ZZEF1: variants seen among roughly 807,000 people sequenced by gnomAD.
ZZEF1 encodes zinc finger ZZ-type and EF-hand domain-containing protein 1.
A neutral mutation model predicts 342.8 loss-of-function variants in ZZEF1; 157 were observed. That is an observed-to-expected ratio of 0.46 (90% CI 0.40 to 0.52). The LOEUF (loss-of-function observed/expected upper bound fraction) is 0.52. Ranked by LOEUF, ZZEF1 falls within the 20% of genes least tolerant of loss-of-function variation. The probability of loss-of-function intolerance (pLI) is 0.00; values close to 1 mark genes in which losing one functional copy is unlikely to be tolerated. For synonymous variants in ZZEF1, 1,505 were observed against 1,429.1 expected (o/e 1.05, Z -1.20); for missense variants, 3,480 against 3,725.6 (o/e 0.93, Z 1.72).
At chr17:4,038,985 C>T (rs2056738147) in intron 39 of ZZEF1, among the ~76,000 whole-genome samples, 1 of 152,030 alleles carries the variant, frequency 6.6e-6, no homozygotes, top group Admixed American at 6.6e-5. Context: ...AGGACTCTAT[C>T]TAGGCAGTTT....
chr17:4,034,192 G>A lies in ZZEF1; in HGVS notation c.6407C>T (p.Thr2136Ile), dbSNP rs2056611320. ...AGHLNETYHLTLGLLGQLIIR... is the reference protein window; with the variant it reads ...AGHLNETYHLILGLLGQLIIR... ...AATTAACTGGCCGAGAAGACCCAGGGTGAGATGGTAGGTTTCATTCAGGTG... is the reference window on the plus strand; with the variant it reads ...AATTAACTGGCCGAGAAGACCCAGGATGAGATGGTAGGTTTCATTCAGGTG... Residue 2136 changes from threonine to isoleucine, a missense_variant, in exon 40 of 55, where the codon ACC becomes ATC. Coordinates refer to ENST00000381638, the MANE Select transcript of ZZEF1 (RefSeq NM_015113.4). The A allele has an allele frequency of 1.2e-6, 2 of 1,614,230 alleles. No individual in the cohort carries two copies. The highest frequency in any genetic ancestry group is 1.7e-6 in the Non-Finnish European group (2 of 1,180,050).
Position 4,070,210 on chromosome 17 carries a change from C to A in ZZEF1, c.4075+474G>T, listed in dbSNP as rs146437601. On this transcript the variant is annotated intron_variant, in intron 26 of 54. Transcript: ENST00000381638. ...GGTAATAGTTAATACCTACAGCTTCCTCCTTGGTTATTACTACATTCAAGA... is the reference window on the plus strand; with the variant it reads ...GGTAATAGTTAATACCTACAGCTTCATCCTTGGTTATTACTACATTCAAGA... 4.2e-3 allele frequency among the ~76,000 whole-genome samples: 642 copies of A among 152,336 alleles called. 3 individuals are homozygous for A. Among genetic ancestry groups the A allele is most frequent in the Middle Eastern group, 0.02 (6 of 294 alleles).
intron 23 of ZZEF1, among the ~76,000 whole-genome samples, chr17:4,074,795 C>G (rs2057577173): frequency 6.6e-6 from 1 of 152,240 alleles, no homozygotes; most frequent in African/African-American, 2.4e-5. Context: ...GCACTTCTTG[C>G]TAAGGATGAA....
rs530518957 is a variant in ZZEF1, at chr17:4,045,602, C to T, written c.6016-1228G>A. On this transcript the variant is annotated intron_variant, in intron 37 of 54. Coordinates refer to ENST00000381638, the MANE Select transcript of ZZEF1 (RefSeq NM_015113.4). ...TTTTATTGCTGTAGAAACTGGCATT[C>T]TGTGGGCTGTGGGACAGAGTTGTGG... Among the ~76,000 whole-genome samples, 3 of 152,170 alleles carry T rather than the reference C, an allele frequency of 2.0e-5. No homozygotes were observed. The South Asian group carries it at 6.2e-4, about 31-fold the overall frequency.
At chr17:4,117,918 G>A (rs144401382) in intron 2 of ZZEF1, among the ~76,000 whole-genome samples, 4 of 152,216 alleles carry the variant, frequency 2.6e-5, no homozygotes, top group South Asian at 2.1e-4. Flanking sequence ...AGTTTCCAAC[G>A]GCATTTTACA....
chr17:4,127,899 G>C (rs1027037401), intron 1 of ZZEF1, among the ~76,000 whole-genome samples: 1 of 152,172 alleles, frequency 6.6e-6, no homozygotes, highest in East Asian at 1.9e-4. Context: ...ATCTCCCAAC[G>C]AAAGGGCCAG....
rs563408070 is a variant in ZZEF1, at chr17:4,041,552, T to G, written c.6306+877A>C. 9.2e-5 allele frequency among the ~76,000 whole-genome samples: 14 copies of G among 152,308 alleles called. No individual in the cohort carries two copies. The East Asian group carries it at 2.5e-3, about 27-fold the overall frequency. Reference sequence around the variant, plus strand: ...GCAGCCTGCTAGCTTTGTCTCTGATTCCTCTCTGTTTACTAGAAAAAGTGG... The same window carrying G: ...GCAGCCTGCTAGCTTTGTCTCTGATGCCTCTCTGTTTACTAGAAAAAGTGG... On this transcript the variant is annotated intron_variant, in intron 39 of 54. Coordinates refer to ENST00000381638, the MANE Select transcript of ZZEF1 (RefSeq NM_015113.4).
intron 26 of ZZEF1, among the ~76,000 whole-genome samples, chr17:4,067,672 T>C (rs764086573): frequency 1.3e-5 from 2 of 152,190 alleles, no homozygotes; most frequent in Non-Finnish European, 2.9e-5. Context: ...ATTTAAAACA[T>C]GGAAGCCAAG....
intron 9 of ZZEF1, among the ~76,000 whole-genome samples, chr17:4,098,169 C>T (rs1348773795): frequency 6.8e-5 from 10 of 146,716 alleles, no homozygotes; most frequent in South Asian, 6.6e-4. Context: ...ACCCGGGAGG[C>T]GGAGGATGCA....
At chr17:4,131,544 T>A (rs534132963) in intron 1 of ZZEF1, among the ~76,000 whole-genome samples, 1 of 151,540 alleles carries the variant, frequency 6.6e-6, no homozygotes, top group African/African-American at 2.4e-5. Context: ...TTTGGGAGGC[T>A]AAGGTGGGTG....
intron 11 of ZZEF1, among the ~76,000 whole-genome samples, chr17:4,091,235 C>G (rs2057937320): frequency 6.6e-6 from 1 of 152,164 alleles, no homozygotes; most frequent in South Asian, 2.1e-4. Context: ...TGTTTATGAC[C>G]AACCTGAGGT....
rs76594409 is a variant in ZZEF1 at position 4,046,497 on chromosome 17, T to C, written c.6016-2123A>G. On this transcript the variant is annotated intron_variant, in intron 37 of 54. Transcript: ENST00000381638. ...ACTCTTTGGGGCCAAAGGTGGAGTG[T>C]GATTCAACACCAAACATTCAGGAGG... 6.2e-3 allele frequency among the ~76,000 whole-genome samples: 946 copies of C among 152,312 alleles called. 11 individuals carry two copies. The highest frequency in any genetic ancestry group is 0.022 in the African/African-American group (914 of 41,564).
intron 26 of ZZEF1, among the ~76,000 whole-genome samples, chr17:4,068,840 C>G (rs1052126723): frequency 1.3e-5 from 2 of 152,180 alleles, no homozygotes; most frequent in Non-Finnish European, 2.9e-5. Context: ...CCCTTTCTAA[C>G]CCCAAAGAGT....
intron 11 of ZZEF1, among the ~76,000 whole-genome samples, chr17:4,091,092 C>A (rs1213155900): frequency 6.6e-6 from 1 of 152,214 alleles, no homozygotes; most frequent in Non-Finnish European, 1.5e-5. Context: ...ATTGGCTCAT[C>A]TGAAGAATGA....
At chr17:4,074,836 T>C (rs2057578045) in intron 23 of ZZEF1, among the ~76,000 whole-genome samples, 2 of 152,278 alleles carry the variant, frequency 1.3e-5, no homozygotes, top group African/African-American at 2.4e-5. Flanking sequence ...CAACGCTGTC[T>C]GCTGCAACTA....
chr17:4,114,783 T>C (rs1039283650), intron 3 of ZZEF1, among the ~76,000 whole-genome samples: 1 of 152,220 alleles, frequency 6.6e-6, no homozygotes, highest in Non-Finnish European at 1.5e-5. Context: ...AATTCTTTAA[T>C]CACTGATATA....
Position 4,013,581 on chromosome 17 carries a change from T to C in ZZEF1, c.8447A>G (p.Glu2816Gly), listed in dbSNP as rs2056023692. ...FEILKQMLSE[E>G]RVVPHLPLAK... ...CAATGGGAGATGAGGCACGACCCTTTCTTCTGACAACATCTGCTTCAAAAT... is the reference window on the plus strand; with the variant it reads ...CAATGGGAGATGAGGCACGACCCTTCCTTCTGACAACATCTGCTTCAAAAT... The change falls in exon 52 of 55, where the codon GAA becomes GGA. Residue 2816 changes from glutamate to glycine, a missense_variant. This residue lies in a region of ZZEF1 where 1,269 missense variants were observed against 1,342.4 expected (regional missense o/e 0.95). Coordinates refer to ENST00000381638, the MANE Select transcript of ZZEF1 (RefSeq NM_015113.4). 3.1e-6 allele frequency: 5 copies of C among 1,613,732 alleles called. No individual in the cohort carries two copies. Among genetic ancestry groups the C allele is most frequent in the Middle Eastern group, 1.7e-4 (1 of 6,060 alleles).
intron 28 of ZZEF1, 26 bp from the exon 29 acceptor site, chr17:4,064,855 G>GAAAA (rs71383514): frequency 2.5e-5 from 26 of 1,038,866 alleles, no homozygotes; most frequent in Admixed American, 2.9e-5. Flanking sequence ...AATCATAATT[G>GAAAA]AAAAAAAAAA....
rs1014194141 is a variant in ZZEF1, at chr17:4,006,745, C to T, written c.*145G>A. 12 of 809,010 alleles carry T rather than the reference C, an allele frequency of 1.5e-5. No homozygotes were observed. Among genetic ancestry groups the T allele is most frequent in the African/African-American group, 1.2e-4 (7 of 58,922 alleles). 50.1% of individuals were successfully genotyped at this position (809,010 alleles called of 1,614,324 possible). ...GCCTACGCACGGGAGCTCTTGGAGACGTGGCTGCTTGGCATCCTAACTGGA... is the reference window on the plus strand; with the variant it reads ...GCCTACGCACGGGAGCTCTTGGAGATGTGGCTGCTTGGCATCCTAACTGGA... On this transcript the variant is annotated 3_prime_UTR_variant, in exon 55 of 55. Coordinates refer to ENST00000381638, the MANE Select transcript of ZZEF1 (RefSeq NM_015113.4).
Sources: allele counts gnomAD v4.1 joint callset (sites outside exome capture counted in the v4.1 genomes callset), GRCh38; gene constraint gnomAD v4.1.1; regional missense constraint gnomAD v4.1.1; transcripts MANE v1.5; gene names NCBI Gene and HGNC (gene_info 2026-07-23, HGNC 2026-07-21).